INVS: variants seen among roughly 807,000 people sequenced by gnomAD.
INVS encodes inversion of embryo turning homolog.
A neutral mutation model predicts 108.8 loss-of-function variants in INVS; 86 were observed. That is an observed-to-expected ratio of 0.79 (90% CI 0.66 to 0.95). The LOEUF (loss-of-function observed/expected upper bound fraction) is 0.95, where lower values mean the gene tolerates loss of function less well. Among genes scored for constraint, INVS ranks in the 40% least tolerant of loss-of-function variants. The pLI, the probability that INVS is intolerant of heterozygous loss-of-function variation, is 0.00. For missense variants in INVS, 1,169 were observed against 1,297.4 expected, an observed-to-expected ratio of 0.90 and a Z score of 1.52; for synonymous variants, 455 against 473.5, an observed-to-expected ratio of 0.96 and a Z score of 0.51.
intron 3 of INVS, among the ~76,000 whole-genome samples, chr9:100,131,343 G>C (rs1828048760): frequency 6.6e-6 from 1 of 152,078 alleles, no homozygotes; most frequent in African/African-American, 2.4e-5. Context: ...TATGTTTGTG[G>C]AAAAACTTAT....
In INVS at chr9:100,170,385, T is replaced by C. The variant is rs1274527960; in HGVS notation, c.273+43836T>C. 6.0e-5 allele frequency among the ~76,000 whole-genome samples: 6 copies of C among 99,642 alleles called. No homozygotes were observed. The Admixed American group carries it at 6.7e-4, about 11-fold the overall frequency. The allele number at this position is 99,642 out of a possible 152,430, so 65.4% of individuals were successfully genotyped here. A position where few individuals can be genotyped will look rare whatever the true frequency, so the allele number is the denominator to read the frequency against. ...CAGCCTCAGCAACATAGTGAGACCC[T>C]GTCTGTACAAAAAAAAAAAAAAAAA... On this transcript the variant is annotated intron_variant, in intron 3 of 16. Coordinates refer to ENST00000262457, the MANE Select transcript of INVS (RefSeq NM_014425.5).
chr9:100,143,938 G>A lies in INVS; in HGVS notation c.273+17389G>A, dbSNP rs554278046. ...TGATGGTTTAGGGGGCTTCCGAGGC[G>A]ATCGGGCAGTGTCAGTCTTCAGCTG... On this transcript the variant is annotated intron_variant, in intron 3 of 16. Coordinates refer to ENST00000262457, the MANE Select transcript of INVS (RefSeq NM_014425.5). Among the ~76,000 whole-genome samples the A allele has an allele frequency of 3.9e-5, 6 of 152,248 alleles. No homozygotes were observed. The South Asian group carries it at 8.3e-4, about 21-fold the overall frequency.
chr9:100,173,377 A>C (rs1336995633), intron 3 of INVS, among the ~76,000 whole-genome samples: 1 of 152,180 alleles, frequency 6.6e-6, no homozygotes, highest in African/African-American at 2.4e-5. Context: ...AGAAATCTGC[A>C]TTCTTACTTT....
intron 2 of INVS, among the ~76,000 whole-genome samples, chr9:100,109,041 A>T (rs1340350172): frequency 6.6e-6 from 1 of 152,244 alleles, no homozygotes; most frequent in East Asian, 1.9e-4. Flanking sequence ...TCTTAACACC[A>T]AACTCAAATA....
intron 3 of INVS, 112 bp downstream of exon 3, chr9:100,126,661 A>G (rs1453892635): frequency 9.9e-7 from 1 of 1,006,174 alleles, no homozygotes; most frequent in East Asian, 2.4e-5. Flanking sequence ...CATGACTCAT[A>G]GGTTTTATAT....
chr9:100,198,264 A>ATGTTTTT (rs1830436164), intron 3 of INVS, among the ~76,000 whole-genome samples: 1 of 65,216 alleles, frequency 1.5e-5, no homozygotes, highest in Non-Finnish European at 2.8e-5. Context: ...GAGGGCTAGA[A>ATGTTTTT]TTTTTTTTTT....
intron 12 of INVS, among the ~76,000 whole-genome samples, chr9:100,276,196 T>G (rs1833108741): frequency 1.3e-5 from 2 of 152,224 alleles, no homozygotes; most frequent in African/African-American, 2.4e-5. Context: ...GATAGCCCCC[T>G]AATCTGTCTC....
intron 1 of INVS, chr9:100,101,938 G>A (rs1827007606): frequency 6.6e-6 from 1 of 152,104 alleles, no homozygotes; most frequent in East Asian, 1.9e-4. Context: ...CAGCTTAAGG[G>A]TTTAGGAAGG....
At position 100,300,615 on chromosome 9, in the gene INVS, A is replaced by C; in HGVS notation, c.3139A>C (p.Lys1047Gln). ...IHLLENSGRSKNFSYNLQSAT... is the reference protein window; with the variant it reads ...IHLLENSGRSQNFSYNLQSAT... The stretch of plus-strand genomic sequence containing the variant: ...TCTCCTTGAGAACAGTGGAAGATCA[A>C]AGAACTTTTCTTATAACCTGCAATC... The change falls in exon 17 of 17, where the codon AAG (lysine) becomes CAG (glutamine). Residue 1047 changes from lysine (K) to glutamine (Q), a missense_variant. Lys to Gln is a moderately conservative substitution (Grantham distance 53). This residue lies in a region of INVS where 533 missense variants were observed against 536.0 expected (regional missense o/e 0.99). Coordinates refer to ENST00000262457, the MANE Select transcript of INVS (RefSeq NM_014425.5). The C allele has an allele frequency of 6.2e-7, 1 of 1,614,102 alleles. No individual in the cohort carries two copies. The highest frequency in any genetic ancestry group is 8.5e-7 in the Non-Finnish European group (1 of 1,179,958).
At chr9:100,273,524 GTTCTTTTTTTTTTTT>G (rs771125932) in intron 12 of INVS, among the ~76,000 whole-genome samples, 1 of 95,806 alleles carries the variant, frequency 1.0e-5, no homozygotes, top group Non-Finnish European at 2.0e-5. Flanking sequence ...TTTCCACTCA[GTTCTTTTTTTTTTTT>G]TTTTTTTTTT....
At chr9:100,158,636 A>G (rs1231276406) in intron 3 of INVS, among the ~76,000 whole-genome samples, 1 of 152,264 alleles carries the variant, frequency 6.6e-6, no homozygotes, top group Non-Finnish European at 1.5e-5. Context: ...TATAATTATC[A>G]TCTAGTCCAT....
chr9:100,275,745 T>C (rs1833092656), intron 12 of INVS, among the ~76,000 whole-genome samples: 1 of 152,222 alleles, frequency 6.6e-6, no homozygotes, highest in Admixed American at 6.5e-5. Flanking sequence ...TGATTTCTAA[T>C]TTACTGAAAG....
intron 2 of INVS, among the ~76,000 whole-genome samples, chr9:100,121,997 T>C (rs1005433076): frequency 5.9e-5 from 9 of 152,208 alleles, no homozygotes; most frequent in African/African-American, 2.2e-4. Flanking sequence ...ATTATTCTGT[T>C]ATTGATTTCT....
At chr9:100,278,313 T>C (rs1361538220) in intron 12 of INVS, among the ~76,000 whole-genome samples, 2 of 151,800 alleles carry the variant, frequency 1.3e-5, no homozygotes, top group East Asian at 1.9e-4. Flanking sequence ...TGCATACTTC[T>C]CCCTCTGCCT....
At chr9:100,264,294 T>C (rs2118625998) in intron 10 of INVS, among the ~76,000 whole-genome samples, 1 of 152,312 alleles carries the variant, frequency 6.6e-6, no homozygotes, top group Middle Eastern at 3.4e-3. Flanking sequence ...CTAAGGGTAT[T>C]ACCTCTGGAG....
At chr9:100,109,091 T>C (rs1314302650) in intron 2 of INVS, among the ~76,000 whole-genome samples, 1 of 152,246 alleles carries the variant, frequency 6.6e-6, no homozygotes, top group Non-Finnish European at 1.5e-5. Flanking sequence ...GAACAGAATT[T>C]AGTAGATTCA....
chr9:100,233,299 C>T (rs1321243288), intron 5 of INVS, among the ~76,000 whole-genome samples: 1 of 152,176 alleles, frequency 6.6e-6, no homozygotes, highest in Non-Finnish European at 1.5e-5. Context: ...TCTAAATACA[C>T]AATCATGTCA....
intron 13 of INVS, among the ~76,000 whole-genome samples, chr9:100,290,615 G>C (rs551956973): frequency 6.6e-6 from 1 of 152,302 alleles, no homozygotes; most frequent in East Asian, 1.9e-4. Flanking sequence ...GCCTCCCAAA[G>C]TGCTGGGATT....
intron 8 of INVS, among the ~76,000 whole-genome samples, chr9:100,251,510 A>C (rs1832235997): frequency 6.6e-6 from 1 of 152,246 alleles, no homozygotes; most frequent in African/African-American, 2.4e-5. Context: ...ACAGCACAAG[A>C]GAGGAGGCCA....
Sources: allele counts gnomAD v4.1 joint callset (sites outside exome capture counted in the v4.1 genomes callset), GRCh38; gene constraint gnomAD v4.1.1; regional missense constraint gnomAD v4.1.1; transcripts MANE v1.5; gene names NCBI Gene and HGNC (gene_info 2026-07-23, HGNC 2026-07-21).